SCLT1: variants seen among roughly 807,000 people sequenced by gnomAD.
The protein encoded by SCLT1 is sodium channel-associated protein 1.
A neutral mutation model predicts 112.8 loss-of-function variants in SCLT1; 78 were observed. That is an observed-to-expected ratio of 0.69 (90% CI 0.58 to 0.83). SCLT1 has a LOEUF of 0.83. Ranked by LOEUF, SCLT1 falls within the 40% of genes least tolerant of loss-of-function variation. The pLI, the probability that SCLT1 is intolerant of heterozygous loss-of-function variation, is 0.00. For missense variants in SCLT1, 747 were observed against 770.4 expected, an observed-to-expected ratio of 0.97 and a Z score of 0.36; for synonymous variants, 257 against 254.7, an observed-to-expected ratio of 1.01 and a Z score of -0.09.
chr4:129,039,907 C>T lies in SCLT1; in HGVS notation c.235-811G>A, dbSNP rs1041627388. 374 of 291,858 alleles carry T rather than the reference C, an allele frequency of 1.3e-3. 2 individuals are homozygous for T. In the African/African-American group the frequency reaches 0.013, roughly 10 times the overall value. The allele number at this position is 291,858 out of a possible 1,614,324, so 18.1% of individuals were successfully genotyped here. A position where few individuals can be genotyped will look rare whatever the true frequency, so the allele number is the denominator to read the frequency against. Reference sequence around the variant, plus strand: ...TGGAGAGTGTGCGCGCGCGCACACACACACACACACACACACACACACACA... The same window carrying T: ...TGGAGAGTGTGCGCGCGCGCACACATACACACACACACACACACACACACA... On this transcript the variant is annotated intron_variant, in intron 4 of 20. Coordinates refer to ENST00000281142, the MANE Select transcript of SCLT1 (RefSeq NM_144643.4).
intron 4 of SCLT1, chr4:128,876,410 G>A (rs1049715294): frequency 6.6e-6 from 1 of 152,116 alleles, no homozygotes; most frequent in Non-Finnish European, 1.5e-5. Flanking sequence ...CAAAGGAAGG[G>A]CCTATCATTG....
intron 8 of SCLT1, among the ~76,000 whole-genome samples, chr4:128,993,687 C>T (rs1281442653): frequency 6.6e-6 from 1 of 151,972 alleles, no homozygotes; most frequent in Non-Finnish European, 1.5e-5. Context: ...TTTCAACCAT[C>T]ATCTATTTAG....
At position 129,093,166 on chromosome 4, in the gene SCLT1, T is replaced by G; in HGVS notation, c.-63A>C. 6.6e-7 allele frequency: 1 copy of G among 1,523,038 alleles called. No individual in the cohort carries two copies. The highest frequency in any genetic ancestry group is 9.1e-7 in the Non-Finnish European group (1 of 1,097,654). The allele number at this position is 1,523,038 out of a possible 1,614,324, so 94.3% of individuals were successfully genotyped here. ...ACCTTCCTCTGAAAGACAGAGAGCT[T>G]GCTGTGCGGGAAAACAAAACTAAGC... On this transcript the variant is annotated 5_prime_UTR_variant, in exon 1 of 21. Coordinates refer to ENST00000281142, the MANE Select transcript of SCLT1 (RefSeq NM_144643.4).
intron 5 of SCLT1, among the ~76,000 whole-genome samples, chr4:129,005,534 G>A (rs1301077595): frequency 2.0e-5 from 3 of 152,176 alleles, no homozygotes; most frequent in African/African-American, 7.2e-5. Context: ...TGGAGAGGAT[G>A]TGGAGAAATA....
intron 6 of SCLT1, among the ~76,000 whole-genome samples, chr4:129,000,735 C>T (rs1365793036): frequency 1.3e-5 from 2 of 151,796 alleles, no homozygotes; most frequent in Non-Finnish European, 2.9e-5. Context: ...TTGGAGTACA[C>T]TGAGGTATAC....
chr4:128,939,169 T>C (rs558952294), intron 17 of SCLT1, among the ~76,000 whole-genome samples: 1 of 152,320 alleles, frequency 6.6e-6, no homozygotes, highest in East Asian at 1.9e-4. Flanking sequence ...CAAGCTTGTG[T>C]TGTGCCACAC....
chr4:129,038,703 T>G (rs1002227102), intron 5 of SCLT1, among the ~76,000 whole-genome samples: 30 of 152,188 alleles, frequency 2.0e-4, no homozygotes, highest in Admixed American at 9.8e-4. Context: ...TTTTCTAACA[T>G]ACATATATAT....
intron 5 of SCLT1, among the ~76,000 whole-genome samples, chr4:129,005,968 A>C (rs1306306663): frequency 7.0e-6 from 1 of 142,788 alleles, no homozygotes; most frequent in Non-Finnish European, 1.5e-5. Flanking sequence ...CTGAACAATG[A>C]GAACACATGG....
chr4:128,881,279 A>T (rs1263611490), downstream of SCLT1, among the ~76,000 whole-genome samples: 1 of 152,194 alleles, frequency 6.6e-6, no homozygotes. Context: ...AAAAAAGCTC[A>T]TTACAAATTT....
intron 18 of SCLT1, among the ~76,000 whole-genome samples, chr4:128,924,512 T>A (rs1329729097): frequency 6.6e-6 from 1 of 152,084 alleles, no homozygotes; most frequent in Non-Finnish European, 1.5e-5. Context: ...CTCAAGCTGA[T>A]CTGCCCACCT....
intron 18 of SCLT1, among the ~76,000 whole-genome samples, chr4:128,900,485 T>C (rs574578860): frequency 6.6e-6 from 1 of 152,278 alleles, no homozygotes; most frequent in South Asian, 2.1e-4. Context: ...TGTAGAAAGC[T>C]GAAACTGGAT....
intron 18 of SCLT1, among the ~76,000 whole-genome samples, chr4:128,899,526 A>T (rs1212300952): frequency 1.3e-5 from 2 of 152,206 alleles, no homozygotes; most frequent in Non-Finnish European, 2.9e-5. Context: ...GACGTATCTC[A>T]AAATAATAAG....
rs74740679 is a variant in SCLT1, at chr4:129,066,562, T to C, written c.102+15744A>G. 8.0e-3 allele frequency among the ~76,000 whole-genome samples: 1,210 copies of C among 152,152 alleles called. 15 individuals are homozygous for C. The highest frequency in any genetic ancestry group is 0.028 in the African/African-American group (1,160 of 41,546). Reference sequence around the variant, plus strand: ...TAGACATACTAAAAAAAATCTCAGATGTATATATGGAGACATGTTCAAGAC... The same window carrying C: ...TAGACATACTAAAAAAAATCTCAGACGTATATATGGAGACATGTTCAAGAC... On this transcript the variant is annotated intron_variant, in intron 2 of 20. Transcript: ENST00000281142.
chr4:128,946,173 G>C (rs753920727), intron 15 of SCLT1, 21 bp from the exon 16 acceptor site: 1 of 1,536,016 alleles, frequency 6.5e-7, no homozygotes, highest in Non-Finnish European at 8.9e-7. Flanking sequence ...GGCTTATTAG[G>C]TATATAATAT....
chr4:128,922,978 A>T (rs1478060220), intron 18 of SCLT1, among the ~76,000 whole-genome samples: 1 of 152,216 alleles, frequency 6.6e-6, no homozygotes, highest in African/African-American at 2.4e-5. Flanking sequence ...AATACCTTTG[A>T]TCAGAATCTT....
intron 20 of SCLT1, among the ~76,000 whole-genome samples, chr4:128,886,156 G>A (rs945661272): frequency 2.6e-5 from 4 of 152,016 alleles, no homozygotes; most frequent in Non-Finnish European, 5.9e-5. Flanking sequence ...GCTTCACCAC[G>A]CTGATTTAAA....
intron 5 of SCLT1, among the ~76,000 whole-genome samples, chr4:129,024,980 G>A (rs1745896291): frequency 1.3e-5 from 2 of 152,170 alleles, no homozygotes; most frequent in South Asian, 2.1e-4. Context: ...GAAATGAAGC[G>A]AGAAGGGAAG....
At chr4:128,896,841 A>G (rs1251261418) in intron 18 of SCLT1, among the ~76,000 whole-genome samples, 2 of 152,212 alleles carry the variant, frequency 1.3e-5, no homozygotes, top group Non-Finnish European at 2.9e-5. Context: ...GACCTGATGG[A>G]GCTGAAAGCC....
chr4:128,992,134 C>T, intron 9 of SCLT1, 33 bp downstream of exon 9: 1 of 1,388,810 alleles, frequency 7.2e-7, no homozygotes. Context: ...AAATAATTAA[C>T]AATGAAATAA....
Sources: gnomAD v4.1 joint callset for allele counts (sites outside exome capture counted in the v4.1 genomes callset) on GRCh38, gnomAD v4.1.1 for gene constraint, MANE v1.5 for transcripts, NCBI Gene and HGNC (gene_info 2026-07-23, HGNC 2026-07-21) for gene names.